NAT1: variants seen among roughly 807,000 people sequenced by gnomAD.
NAT1 encodes arylamine N-acetyltransferase 1.
For missense variants in NAT1, 400 were observed against 339.2 expected (o/e 1.18, Z -1.41); for synonymous variants, 144 against 122.6 (o/e 1.17, Z -1.16).
chr8:18,196,605 C>A (rs1293771048), intron 2 of NAT1, among the ~76,000 whole-genome samples: 1 of 152,162 alleles, frequency 6.6e-6, no homozygotes. Flanking sequence ...TGCATTTCTG[C>A]TGCATTTCAA....
intron 2 of NAT1, among the ~76,000 whole-genome samples, chr8:18,189,644 C>T (rs972376200): frequency 2.6e-5 from 4 of 152,060 alleles, no homozygotes; most frequent in Admixed American, 6.6e-5. Context: ...ATTTACTTTG[C>T]GATGTGGTTG....
chr8:18,219,286 G>A lies in NAT1; in HGVS notation c.-85-125G>A, dbSNP rs78147108. On this transcript the variant is annotated intron_variant, in intron 1 of 2. Coordinates refer to ENST00000307719, the MANE Select transcript of NAT1 (RefSeq NM_000662.8). ...ACAACTCAAATGTTCACTTTACTGT[G>A]CAGTCCATTCCCTCTGTTTTGTGAT... 1.1e-3 allele frequency: 684 copies of A among 645,666 alleles called. 8 individuals are homozygous for A. In the African/African-American group the frequency reaches 0.011, roughly 11 times the overall value. The allele number at this position is 645,666 out of a possible 1,614,324, so 40.0% of individuals were successfully genotyped here.
At chr8:18,209,499 G>A (rs1185286201), upstream of NAT1, among the ~76,000 whole-genome samples, 4 of 152,204 alleles carry the variant, frequency 2.6e-5, no homozygotes, top group Non-Finnish European at 4.4e-5. Flanking sequence ...AGAGAAAAAT[G>A]CATAAGAAAC....
upstream of NAT1, among the ~76,000 whole-genome samples, chr8:18,207,342 T>C (rs558623208): frequency 1.4e-4 from 21 of 152,328 alleles, no homozygotes; most frequent in Non-Finnish European, 2.4e-4. Flanking sequence ...CTTAGCATTG[T>C]CTTAGCTATC....
chr8:18,212,253 G>A (rs1472153404), intron 1 of NAT1: 1 of 152,168 alleles, frequency 6.6e-6, no homozygotes, highest in Non-Finnish European at 1.5e-5. Context: ...ACAATAGTTG[G>A]TCAACTGTTG....
Position 18,204,163 on chromosome 8 carries a change from T to TCTCTCTCTCTCTCTCTC in NAT1, n.93-5618_93-5617insCTCTCTCTCTCTCTCTC, listed in dbSNP as rs1563177737. On this transcript the variant is annotated intron_variant and non_coding_transcript_variant, in intron 2 of 4. Transcript: ENST00000517441. ...TGCCTCCTTGACTTTTTGGATGTCT[T>TCTCTCTCTCTCTCTCTC]TCTCTCTCTCTCTCTCTCTCTCGCA... Among the ~76,000 whole-genome samples, 213 of 148,718 alleles carry TCTCTCTCTCTCTCTCTC rather than the reference T, an allele frequency of 1.4e-3. 3 individuals are homozygous for TCTCTCTCTCTCTCTCTC. The highest frequency in any genetic ancestry group is 5.0e-3 in the African/African-American group (202 of 40,778).
At chr8:18,201,723 C>G (rs960572704) in intron 2 of NAT1, among the ~76,000 whole-genome samples, 1 of 152,118 alleles carries the variant, frequency 6.6e-6, no homozygotes, top group African/African-American at 2.4e-5. Context: ...GTGGAAGCAT[C>G]GCACTGGCTA....
At chr8:18,195,309 T>C (rs1803186044) in intron 2 of NAT1, among the ~76,000 whole-genome samples, 1 of 152,190 alleles carries the variant, frequency 6.6e-6, no homozygotes, top group Non-Finnish European at 1.5e-5. Flanking sequence ...AAGCATAGAT[T>C]GCTTCCAGAA....
chr8:18,189,132 A>C (rs1285796708), intron 2 of NAT1, among the ~76,000 whole-genome samples: 2 of 152,084 alleles, frequency 1.3e-5, no homozygotes, highest in East Asian at 3.9e-4. Flanking sequence ...TGCATTATTC[A>C]CTCATCAAAG....
At chr8:18,219,865 G>A (rs967452392) in intron 2 of NAT1, among the ~76,000 whole-genome samples, 2 of 152,160 alleles carry the variant, frequency 1.3e-5, no homozygotes, top group African/African-American at 4.8e-5. Context: ...AACAGAAAAG[G>A]AGGGGAAGGG....
chr8:18,191,785 T>C (rs1803002476), intron 2 of NAT1, among the ~76,000 whole-genome samples: 1 of 151,350 alleles, frequency 6.6e-6, no homozygotes, highest in South Asian at 2.1e-4. Flanking sequence ...TGGCTAGCCA[T>C]ATGTAGAAAG....
At chr8:18,200,196 T>C (rs565770583) in intron 2 of NAT1, among the ~76,000 whole-genome samples, 47 of 152,302 alleles carry the variant, frequency 3.1e-4, no homozygotes, top group African/African-American at 1.1e-3. Flanking sequence ...ATTGGGTGTA[T>C]ACCCAAAGGA....
chr8:18,185,180 G>A lies in NAT1; in HGVS notation n.92+14441G>A, dbSNP rs1395780921. Among the ~76,000 whole-genome samples, 3 of 152,254 alleles carry A rather than the reference G, an allele frequency of 2.0e-5. 1 individual carries two copies. In the East Asian group the frequency reaches 5.8e-4, roughly 29 times the overall value. ...CCGACATTAGATTAACTTCATAAAA[G>A]AAGTTAGGGGAAGAGTTCTTATTTT... is the stretch of plus-strand genomic sequence containing the variant. On this transcript the variant is annotated intron_variant and non_coding_transcript_variant, in intron 2 of 4. Coordinates refer to the NAT1 transcript ENST00000517441.
chr8:18,222,011 G>T (rs191786732), intron 2 of NAT1, 31 bp from the exon 3 acceptor site: 1 of 1,568,846 alleles, frequency 6.4e-7, no homozygotes, highest in Non-Finnish European at 8.6e-7. Context: ...AAAGTAAAAT[G>T]ATTTGCTTTC....
intron 2 of NAT1, among the ~76,000 whole-genome samples, chr8:18,221,496 G>A (rs1052730417): frequency 6.6e-6 from 1 of 151,990 alleles, no homozygotes; most frequent in African/African-American, 2.4e-5. Context: ...AGATTTTTGA[G>A]AGTAAGCAAG....
chr8:18,186,816 G>C (rs1802757131), intron 2 of NAT1, among the ~76,000 whole-genome samples: 1 of 152,120 alleles, frequency 6.6e-6, no homozygotes, highest in Admixed American at 6.6e-5. Context: ...TTAATCTAAA[G>C]AGCTTTCGCA....
intron 1 of NAT1, among the ~76,000 whole-genome samples, chr8:18,217,327 G>A (rs1374495369): frequency 6.6e-6 from 1 of 152,202 alleles, no homozygotes; most frequent in Non-Finnish European, 1.5e-5. Flanking sequence ...CTTTGACCAA[G>A]ATAATATGCC....
intron 2 of NAT1, among the ~76,000 whole-genome samples, chr8:18,176,666 G>A (rs1398396080): frequency 6.6e-6 from 1 of 150,526 alleles, no homozygotes; most frequent in African/African-American, 2.5e-5. Flanking sequence ...CTTCTACTTT[G>A]TTCTTTTTGC....
chr8:18,182,254 C>T, intron 2 of NAT1, among the ~76,000 whole-genome samples: 1 of 152,084 alleles, frequency 6.6e-6, no homozygotes, highest in East Asian at 1.9e-4. Flanking sequence ...TGACAGAAGG[C>T]CTGTTCAGCT....
Sources: gnomAD v4.1 joint callset for allele counts (sites outside exome capture counted in the v4.1 genomes callset) on GRCh38, gnomAD v4.1.1 for gene constraint, MANE v1.5 for transcripts, NCBI Gene and HGNC (gene_info 2026-07-23, HGNC 2026-07-21) for gene names.